SH3PXD2A: variants seen among roughly 807,000 people sequenced by gnomAD.
The protein encoded by SH3PXD2A is SH3 and PX domain-containing protein 2A.
A neutral mutation model predicts 115.2 loss-of-function variants in SH3PXD2A; 32 were observed. The observed-to-expected ratio is 0.28, with a 90% CI of 0.21 to 0.37. The LOEUF is 0.37. Among genes scored for constraint, SH3PXD2A ranks in the 10% least tolerant of loss-of-function variants. SH3PXD2A has a pLI of 1.00. For missense variants in SH3PXD2A, 1,328 were observed against 1,498.7 expected (o/e 0.89, Z 1.88); for synonymous variants, 610 against 629.1 (o/e 0.97, Z 0.45).
chr10:103,611,562 A>C lies in SH3PXD2A; in HGVS notation c.1308+19T>G. 6.2e-7 allele frequency: 1 copy of C among 1,611,272 alleles called. No individual in the cohort carries two copies. Among genetic ancestry groups the C allele is most frequent in the Non-Finnish European group, 8.5e-7 (1 of 1,177,368 alleles). On this transcript the variant is annotated intron_variant, in intron 13 of 14. Coordinates refer to ENST00000369774, the MANE Select transcript of SH3PXD2A (RefSeq NM_001394015.1). ...CACAGAAAAGGAAGGAAAGGGGAGA[A>C]GAAATTCAGTACACATACCAGGCTG...
intron 6 of SH3PXD2A, among the ~76,000 whole-genome samples, chr10:103,692,075 T>G (rs1046851498): frequency 8.5e-5 from 13 of 152,200 alleles, no homozygotes; most frequent in Admixed American, 4.6e-4. Context: ...AAGGGCCAGA[T>G]GTACCCCAAG....
chr10:103,846,393 T>C (rs1372634700), intron 1 of SH3PXD2A, among the ~76,000 whole-genome samples: 2 of 152,212 alleles, frequency 1.3e-5, no homozygotes, highest in African/African-American at 4.8e-5. Context: ...GGCCGTTTTC[T>C]AGAAGAGATC....
intron 14 of SH3PXD2A, 94 bp downstream of exon 14, chr10:103,605,704 T>C (rs2036290076): frequency 6.7e-7 from 1 of 1,502,478 alleles, no homozygotes; most frequent in Non-Finnish European, 9.2e-7. Flanking sequence ...TGCCTGCCCC[T>C]CAGGAATCTT....
In SH3PXD2A at chr10:103,599,433, G is replaced by GC. The variant is rs1408856777; in HGVS notation, c.*2382dup. 4 of 152,644 alleles carry GC rather than the reference G, an allele frequency of 2.6e-5. No individual in the cohort carries two copies. The highest frequency in any genetic ancestry group is 5.9e-5 in the Non-Finnish European group (4 of 68,080). The allele number at this position is 152,644 out of a possible 1,614,324, so 9.5% of individuals were successfully genotyped here. On this transcript the variant is annotated 3_prime_UTR_variant, in exon 15 of 15. Coordinates refer to ENST00000369774, the MANE Select transcript of SH3PXD2A (RefSeq NM_001394015.1). Reference sequence around the variant, plus strand: ...GGCTGGCGCACTAGTGACTGAACTGGCTCAGTGCAGACATCTGAGGAGCGA... The same window carrying GC: ...GGCTGGCGCACTAGTGACTGAACTGGCCTCAGTGCAGACATCTGAGGAGCGA...
intron 1 of SH3PXD2A, among the ~76,000 whole-genome samples, chr10:103,810,932 ATGGACACAGGCGCGCGCGCG>A (rs1247932535): frequency 3.5e-3 from 15 of 4,298 alleles, no homozygotes; most frequent in Admixed American, 5.3e-3. Context: ...AGACACACAC[ATGGACACAGGCGCGCGCGCG>A]CACACACACA....
intron 6 of SH3PXD2A, among the ~76,000 whole-genome samples, chr10:103,689,479 A>G (rs1157350544): frequency 3.3e-5 from 5 of 152,192 alleles, no homozygotes; most frequent in Admixed American, 2.6e-4. Context: ...AGCCTGGCCA[A>G]AATGGTGAAA....
intron 2 of SH3PXD2A, among the ~76,000 whole-genome samples, chr10:103,788,857 G>C (rs563108141): frequency 3.9e-5 from 6 of 152,072 alleles, no homozygotes; most frequent in Admixed American, 1.3e-4. Flanking sequence ...ACTCCAGCCT[G>C]GGCATCAGAG....
chr10:103,823,207 T>C (rs1054740109), intron 1 of SH3PXD2A, among the ~76,000 whole-genome samples: 4 of 152,208 alleles, frequency 2.6e-5, no homozygotes, highest in African/African-American at 9.6e-5. Context: ...TGTCTCAAAA[T>C]CTAGGTAGCC....
intron 8 of SH3PXD2A, among the ~76,000 whole-genome samples, chr10:103,639,626 AG>A (rs370013708): frequency 1.4e-4 from 12 of 87,024 alleles, no homozygotes; most frequent in South Asian, 3.7e-4. Flanking sequence ...AAAAAAAAAA[AG>A]AAAAAGAAAA....
At chr10:103,610,822 C>T (rs751563726) in intron 13 of SH3PXD2A, among the ~76,000 whole-genome samples, 1 of 152,210 alleles carries the variant, frequency 6.6e-6, no homozygotes, top group African/African-American at 2.4e-5. Flanking sequence ...GGCACTGAAG[C>T]TTGTAGAGGG....
chr10:103,617,982 G>C (rs575103896), intron 10 of SH3PXD2A, among the ~76,000 whole-genome samples: 1 of 152,326 alleles, frequency 6.6e-6, no homozygotes, highest in East Asian at 1.9e-4. Flanking sequence ...GGGTTCGATG[G>C]CCAAATGAGC....
intron 1 of SH3PXD2A, among the ~76,000 whole-genome samples, chr10:103,822,551 G>T (rs374139509): frequency 1.4e-4 from 22 of 152,338 alleles, no homozygotes; most frequent in South Asian, 4.1e-4. Context: ...GCATGGTGGG[G>T]GGGGAGCAGC....
At chr10:103,786,081 A>C (rs904249854) in intron 2 of SH3PXD2A, among the ~76,000 whole-genome samples, 2 of 152,034 alleles carry the variant, frequency 1.3e-5, no homozygotes, top group African/African-American at 4.8e-5. Context: ...CAGAGCAAGG[A>C]AACGAACATA....
At chr10:103,741,735 G>A (rs1341717981) in intron 3 of SH3PXD2A, among the ~76,000 whole-genome samples, 1 of 152,204 alleles carries the variant, frequency 6.6e-6, no homozygotes, top group African/African-American at 2.4e-5. Context: ...AAGGCCTCGT[G>A]CTCCAAGGAC....
At chr10:103,834,351 A>G (rs1188857568) in intron 1 of SH3PXD2A, among the ~76,000 whole-genome samples, 1 of 152,230 alleles carries the variant, frequency 6.6e-6, no homozygotes, top group African/African-American at 2.4e-5. Flanking sequence ...CAGGTAGTGT[A>G]TGACTCCATT....
chr10:103,653,710 C>T (rs1247774353), intron 8 of SH3PXD2A, among the ~76,000 whole-genome samples: 1 of 152,148 alleles, frequency 6.6e-6, no homozygotes, highest in East Asian at 1.9e-4. Flanking sequence ...TAGCTGGCAG[C>T]ACTTGGCATT....
chr10:103,800,429 C>T (rs1458699343), intron 2 of SH3PXD2A, among the ~76,000 whole-genome samples: 2 of 152,218 alleles, frequency 1.3e-5, no homozygotes, highest in Non-Finnish European at 2.9e-5. Context: ...GAGCTGCTGA[C>T]AGCCATATTC....
chr10:103,668,227 G>A (rs899106173), intron 7 of SH3PXD2A, among the ~76,000 whole-genome samples: 12 of 152,246 alleles, frequency 7.9e-5, no homozygotes, highest in Admixed American at 6.5e-5. Flanking sequence ...TGAAGATGGC[G>A]AAAGCCCCAC....
chr10:103,700,163 C>T (rs1396053396), intron 5 of SH3PXD2A, among the ~76,000 whole-genome samples: 1 of 152,240 alleles, frequency 6.6e-6, no homozygotes, highest in Non-Finnish European at 1.5e-5. Context: ...TTACCATGTC[C>T]AGGCCTCAGA....
Sources: gnomAD v4.1 joint callset for allele counts (sites outside exome capture counted in the v4.1 genomes callset) on GRCh38, gnomAD v4.1.1 for gene constraint, MANE v1.5 for transcripts, NCBI Gene and HGNC (gene_info 2026-07-23, HGNC 2026-07-21) for gene names.